The following CNTLN variants were observed in gnomAD, a reference collection of about 807,000 sequenced individuals.
CNTLN encodes the protein centlein, centrosomal protein.
CNTLN carries 212 observed loss-of-function variants against 180.0 expected under a neutral mutation model. That is an observed-to-expected ratio of 1.18 (90% CI 1.05 to 1.32). CNTLN has a LOEUF of 1.32. Ranked by LOEUF, CNTLN falls within the 40% of genes most tolerant of loss-of-function variation. CNTLN has a pLI of 0.00. For synonymous variants in CNTLN, 722 were observed against 563.1 expected (o/e 1.28, Z -3.99); for missense variants, 2,095 against 1,610.9 (o/e 1.30, Z -5.14).
intron 14 of CNTLN, among the ~76,000 whole-genome samples, chr9:17,391,936 A>G (rs952770729): frequency 1.3e-5 from 2 of 152,170 alleles, no homozygotes; most frequent in Non-Finnish European, 2.9e-5. Context: ...TAACTTAAAT[A>G]TTTTACCAGC....
At chr9:17,377,375 T>C (rs868050385) in intron 13 of CNTLN, among the ~76,000 whole-genome samples, 5 of 152,230 alleles carry the variant, frequency 3.3e-5, no homozygotes, top group Middle Eastern at 3.4e-3. Context: ...CAAAACTCTC[T>C]ACTAAAAATA....
chr9:17,515,334 A>T, the CNTLN span, among the ~76,000 whole-genome samples: 7 of 152,012 alleles, frequency 4.6e-5, no homozygotes, highest in Non-Finnish European at 8.8e-5. Context: ...TACCAGGCTC[A>T]CTTTTAAGAA....
At chr9:17,455,256 A>G (rs1475230334) in intron 18 of CNTLN, among the ~76,000 whole-genome samples, 1 of 152,212 alleles carries the variant, frequency 6.6e-6, no homozygotes, top group Non-Finnish European at 1.5e-5. Flanking sequence ...GCTGCATAGC[A>G]TTTCTATGCA....
intron 25 of CNTLN, among the ~76,000 whole-genome samples, chr9:17,494,378 T>A (rs1186238295): frequency 1.3e-5 from 2 of 152,060 alleles, no homozygotes; most frequent in Non-Finnish European, 2.9e-5. Flanking sequence ...TTTAATTAAC[T>A]TTTATTTTAG....
At chr9:17,342,211 A>C in intron 11 of CNTLN, 114 bp from the exon 12 acceptor site, 11 of 971,368 alleles carry the variant, frequency 1.1e-5, no homozygotes, top group Non-Finnish European at 1.7e-5. Flanking sequence ...TAAATGGTGA[A>C]CTCGAGTTAG....
At chr9:17,304,515 A>G (rs1405365095) in intron 7 of CNTLN, among the ~76,000 whole-genome samples, 1 of 152,126 alleles carries the variant, frequency 6.6e-6, no homozygotes, top group East Asian at 1.9e-4. Context: ...ATTAACTAGG[A>G]AAATAAGGAG....
intron 8 of CNTLN, among the ~76,000 whole-genome samples, chr9:17,313,092 T>C (rs1045243281): frequency 1.1e-4 from 16 of 152,222 alleles, no homozygotes; most frequent in African/African-American, 2.2e-4. Flanking sequence ...CTATAATATT[T>C]TGTTGGCTTG....
chr9:17,359,078 G>T (rs1019627695), intron 12 of CNTLN, among the ~76,000 whole-genome samples: 1 of 151,620 alleles, frequency 6.6e-6, no homozygotes, highest in African/African-American at 2.4e-5. Flanking sequence ...GAGTGCAGTG[G>T]CACAATCTCA....
At chr9:17,210,463 T>C (rs991995290) in intron 2 of CNTLN, among the ~76,000 whole-genome samples, 1 of 152,226 alleles carries the variant, frequency 6.6e-6, no homozygotes, top group Non-Finnish European at 1.5e-5. Flanking sequence ...TAGTCTATCA[T>C]TGATGGACAT....
At chr9:17,462,674 C>G (rs1369900614) in intron 19 of CNTLN, among the ~76,000 whole-genome samples, 1 of 151,642 alleles carries the variant, frequency 6.6e-6, no homozygotes, top group East Asian at 1.9e-4. Flanking sequence ...TGGATACATA[C>G]TCTTTGCAAT....
Position 17,503,141 on chromosome 9 carries a change from A to T in CNTLN, c.*489A>T, listed in dbSNP as rs1833837554. ...ATAACTTGAGCATTTATTGAAATAA[A>T]TTGTGTGGTCCAATTGAATCTGTTC... On this transcript the variant is annotated 3_prime_UTR_variant, in exon 26 of 26. Transcript: ENST00000380647. 1 of 152,348 alleles carries T rather than the reference A, an allele frequency of 6.6e-6. No individual in the cohort carries two copies. Among genetic ancestry groups the T allele is most frequent in the Non-Finnish European group, 1.5e-5 (1 of 68,146 alleles). 9.4% of individuals were successfully genotyped at this position (152,348 alleles called of 1,614,324 possible). A position where few individuals can be genotyped will look rare whatever the true frequency, so the allele number is the denominator to read the frequency against.
chr9:17,201,365 G>A (rs559527234), intron 2 of CNTLN, among the ~76,000 whole-genome samples: 1 of 152,190 alleles, frequency 6.6e-6, no homozygotes, highest in South Asian at 2.1e-4. Context: ...AGTTAGGGAG[G>A]AGTCCCTCTT....
At chr9:17,309,291 T>G (rs755009888) in intron 8 of CNTLN, 39 bp downstream of exon 8, 1 of 1,412,698 alleles carries the variant, frequency 7.1e-7, no homozygotes, top group East Asian at 2.3e-5. Flanking sequence ...CAGTGTAATA[T>G]TAAATGAAAT....
intron 13 of CNTLN, among the ~76,000 whole-genome samples, chr9:17,376,417 C>A (rs537371543): frequency 6.6e-6 from 1 of 151,722 alleles, no homozygotes; most frequent in Admixed American, 6.6e-5. Context: ...TATCATATAA[C>A]CATCTCTTTT....
intron 18 of CNTLN, among the ~76,000 whole-genome samples, chr9:17,417,154 C>T (rs1828319649): frequency 6.6e-6 from 1 of 152,088 alleles, no homozygotes; most frequent in Non-Finnish European, 1.5e-5. Context: ...CAGTGGGATA[C>T]CAGATAAGAC....
intron 2 of CNTLN, among the ~76,000 whole-genome samples, chr9:17,156,898 G>A (rs961810252): frequency 8.5e-5 from 13 of 152,316 alleles, no homozygotes; most frequent in South Asian, 8.3e-4. Flanking sequence ...CCTTTGGGAA[G>A]CAATGTAATT....
In CNTLN at chr9:17,366,640, A is replaced by G. The variant is rs745366244; in HGVS notation, c.1910A>G (p.Asp637Gly). Residue 637 changes from aspartate to glycine, a missense_variant, in exon 13 of 26, where the codon GAT becomes GGT. Transcript: ENST00000380647. The stretch of plus-strand genomic sequence containing the variant: ...AGGATGAATCTTGAAGAAGAATTAG[A>G]TGAACTTAAAGTACATATATCTATT... ...IQKMNLEEEL[D>G]ELKVHISIDK... The G allele has an allele frequency of 1.9e-6, 3 of 1,550,410 alleles. No homozygotes were observed. Among genetic ancestry groups the G allele is most frequent in the South Asian group, 2.3e-5 (2 of 86,528 alleles).
Position 17,441,962 on chromosome 9 carries a change from G to A in CNTLN, c.3115-15562G>A, listed in dbSNP as rs180876972. Reference sequence around the variant, plus strand: ...ACAAAGACATTCACCTGAAAGAAGGGCCTATTCACCAAGAAGATAAAACAG... The same window carrying A: ...ACAAAGACATTCACCTGAAAGAAGGACCTATTCACCAAGAAGATAAAACAG... On this transcript the variant is annotated intron_variant, in intron 18 of 25. Transcript: ENST00000380647. 2.2e-3 allele frequency among the ~76,000 whole-genome samples: 338 copies of A among 152,222 alleles called. 2 individuals carry two copies. Among genetic ancestry groups the A allele is most frequent in the African/African-American group, 7.8e-3 (322 of 41,532 alleles).
intron 5 of CNTLN, among the ~76,000 whole-genome samples, chr9:17,251,868 C>G (rs1278844950): frequency 6.6e-6 from 1 of 151,742 alleles, no homozygotes; most frequent in African/African-American, 2.4e-5. Flanking sequence ...GTTCCAATAA[C>G]CAACCTTTAT....
Sources: gnomAD v4.1 joint callset for allele counts (sites outside exome capture counted in the v4.1 genomes callset) on GRCh38, gnomAD v4.1.1 for gene constraint, MANE v1.5 for transcripts, NCBI Gene and HGNC (gene_info 2026-07-23, HGNC 2026-07-21) for gene names.